Variants in NRG3 observed in about 807,000 individuals in gnomAD.
NRG3 encodes the protein neuregulin 3.
A neutral mutation model predicts 66.9 loss-of-function variants in NRG3; 31 were observed. The ratio of observed to expected loss-of-function variants is 0.46; its 90% confidence interval spans 0.35 to 0.63. The LOEUF is 0.63. NRG3 is among the 20% of genes least tolerant of loss of function. The probability of loss-of-function intolerance (pLI) is 0.00; values close to 1 mark genes in which losing one functional copy is unlikely to be tolerated. For synonymous variants in NRG3, 393 were observed against 359.4 expected (o/e 1.09, Z -1.06); for missense variants, 910 against 878.9 (o/e 1.04, Z -0.45).
chr10:82,401,376 T>A (rs908417606), intron 2 of NRG3, among the ~76,000 whole-genome samples: 14 of 142,876 alleles, frequency 9.8e-5, no homozygotes, highest in Admixed American at 9.7e-4. Flanking sequence ...TATGTGTATA[T>A]TCACACACAC....
At chr10:82,046,765 G>GT (rs1194250765) in intron 1 of NRG3, among the ~76,000 whole-genome samples, 2 of 28,478 alleles carry the variant, frequency 7.0e-5, no homozygotes, top group Admixed American at 6.3e-4. Context: ...TTTATTGAGA[G>GT]TTTTTAGCAT....
At chr10:81,915,491 C>CTTATTTTTTTTT (rs764885600) in intron 1 of NRG3, among the ~76,000 whole-genome samples, 3 of 140,812 alleles carry the variant, frequency 2.1e-5, no homozygotes, top group Non-Finnish European at 3.0e-5. Context: ...GCTCACACTT[C>CTTATTTTTTTTT]TTTAGTTTTT....
At chr10:82,051,686 A>G (rs766237672) in intron 1 of NRG3, among the ~76,000 whole-genome samples, 2 of 152,184 alleles carry the variant, frequency 1.3e-5, no homozygotes, top group Non-Finnish European at 2.9e-5. Flanking sequence ...TGAGTGATCT[A>G]GTTTTGAAGT....
In NRG3 at chr10:82,727,328, GA is replaced by G. The variant is rs35369132; in HGVS notation, c.954-11240del. 4.0e-4 allele frequency among the ~76,000 whole-genome samples: 61 copies of G among 151,790 alleles called. No homozygotes were observed. In the East Asian group the frequency reaches 0.011, roughly 27 times the overall value. On this transcript the variant is annotated intron_variant, in intron 2 of 8. Transcript: ENST00000372141. ...CCATCACAGGCCTGGAGGCCTAGGA[GA>G]AAAAAAAATGGTTTTGTGGGCCAGG...
intron 2 of NRG3, among the ~76,000 whole-genome samples, chr10:82,398,342 A>G (rs1195195399): frequency 6.6e-6 from 1 of 152,198 alleles, no homozygotes; most frequent in East Asian, 1.9e-4. Flanking sequence ...CTGAAAACCC[A>G]GGGCTTGTTT....
chr10:82,345,123 C>T (rs2082927453), intron 1 of NRG3, among the ~76,000 whole-genome samples: 2 of 139,406 alleles, frequency 1.4e-5, no homozygotes, highest in South Asian at 2.2e-4. Context: ...GTGTTTTAGA[C>T]ATGAAGTCCT....
At chr10:82,982,587 T>C (rs1853043017) in intron 8 of NRG3, among the ~76,000 whole-genome samples, 1 of 152,162 alleles carries the variant, frequency 6.6e-6, no homozygotes, top group Admixed American at 6.5e-5. Context: ...TGCCACTGTG[T>C]CTCTGGTAGA....
intron 4 of NRG3, among the ~76,000 whole-genome samples, chr10:82,901,352 ATGGCTTTTAT>A (rs1844202031): frequency 6.6e-6 from 1 of 152,090 alleles, no homozygotes; most frequent in Admixed American, 6.6e-5. Context: ...GTGTGTATGT[ATGGCTTTTAT>A]TGGCCACTGA....
intron 1 of NRG3, among the ~76,000 whole-genome samples, chr10:82,308,202 G>A (rs911090717): frequency 1.3e-5 from 2 of 152,100 alleles, no homozygotes; most frequent in African/African-American, 4.8e-5. Flanking sequence ...GTCTCCCTCT[G>A]TCGCCCAGGC....
intron 2 of NRG3, among the ~76,000 whole-genome samples, chr10:82,630,355 C>T (rs372332832): frequency 5.6e-4 from 75 of 133,698 alleles, no homozygotes; most frequent in East Asian, 8.7e-4. Context: ...ATATGGTTTT[C>T]TTTTTTTTTT....
rs974533695 is a variant in NRG3 at position 82,498,825 on chromosome 10, G to A, written c.953+139957G>A. On this transcript the variant is annotated intron_variant, in intron 2 of 8. Transcript: ENST00000372141. ...TGTGGGGGTTCTTGAGAAAGCATAAGCAAAAACTTACAGAATTTTTTTCGG... is the reference window on the plus strand; with the variant it reads ...TGTGGGGGTTCTTGAGAAAGCATAAACAAAAACTTACAGAATTTTTTTCGG... Among the ~76,000 whole-genome samples, 3 of 152,176 alleles carry A rather than the reference G, an allele frequency of 2.0e-5. No individual in the cohort carries two copies. The East Asian group carries it at 5.8e-4, about 29-fold the overall frequency.
intron 1 of NRG3, among the ~76,000 whole-genome samples, chr10:82,001,191 A>T (rs1589739732): frequency 7.5e-6 from 1 of 132,454 alleles, no homozygotes; most frequent in Admixed American, 8.5e-5. Context: ...AGGAAAGTGT[A>T]AGAGAAAAAA....
intron 3 of NRG3, among the ~76,000 whole-genome samples, chr10:82,795,436 T>C (rs1284747198): frequency 6.6e-6 from 1 of 152,224 alleles, no homozygotes; most frequent in African/African-American, 2.4e-5. Context: ...ATATTCTTTA[T>C]TCAACAGTTG....
chr10:82,216,720 G>GT (rs1471882746), intron 1 of NRG3, among the ~76,000 whole-genome samples: 3 of 151,748 alleles, frequency 2.0e-5, no homozygotes, highest in Non-Finnish European at 4.4e-5. Flanking sequence ...ACTCTGTAAT[G>GT]TTTTTTGTTA....
intron 2 of NRG3, among the ~76,000 whole-genome samples, chr10:82,414,914 C>G (rs963309004): frequency 6.6e-6 from 1 of 152,136 alleles, no homozygotes; most frequent in Non-Finnish European, 1.5e-5. Context: ...AGTTTTTGCT[C>G]TTAAGGCCTT....
intron 2 of NRG3, among the ~76,000 whole-genome samples, chr10:82,458,483 A>G (rs1223156115): frequency 6.6e-6 from 1 of 152,156 alleles, no homozygotes; most frequent in Non-Finnish European, 1.5e-5. Flanking sequence ...GAAGAGCATA[A>G]AGACACTGAC....
chr10:82,504,115 TGTC>T (rs1242934488), intron 2 of NRG3, among the ~76,000 whole-genome samples: 1 of 152,222 alleles, frequency 6.6e-6, no homozygotes, highest in East Asian at 1.9e-4. Context: ...AGTAAGCTCT[TGTC>T]TGTGGATTTG....
At chr10:82,555,313 T>C (rs1404429721) in intron 2 of NRG3, among the ~76,000 whole-genome samples, 1 of 152,188 alleles carries the variant, frequency 6.6e-6, no homozygotes, top group Non-Finnish European at 1.5e-5. Context: ...CCAGTTTCTC[T>C]ATATCCACAT....
intron 2 of NRG3, among the ~76,000 whole-genome samples, chr10:82,726,416 G>A (rs1051115635): frequency 1.3e-5 from 2 of 152,080 alleles, no homozygotes; most frequent in South Asian, 2.1e-4. Context: ...GAATCATGGG[G>A]GCGAGTCTTT....
Sources: allele counts gnomAD v4.1 joint callset (sites outside exome capture counted in the v4.1 genomes callset), GRCh38; gene constraint gnomAD v4.1.1; transcripts MANE v1.5; gene names NCBI Gene and HGNC (gene_info 2026-07-23, HGNC 2026-07-21).